The following GIPC2 variants were observed in gnomAD, a reference collection of about 807,000 sequenced individuals.
GIPC2 encodes the protein PDZ domain-containing protein GIPC2.
Under a neutral mutation model 30.6 loss-of-function variants are expected in GIPC2, and 30 were observed. The ratio of observed to expected loss-of-function variants is 0.98; its 90% confidence interval spans 0.73 to 1.33. The LOEUF is 1.33. Ranked by LOEUF, GIPC2 falls within the 40% of genes most tolerant of loss-of-function variation. The probability of loss-of-function intolerance (pLI) is 0.00; values close to 1 mark genes in which losing one functional copy is unlikely to be tolerated. For missense variants in GIPC2, 414 were observed against 390.3 expected, an observed-to-expected ratio of 1.06 and a Z score of -0.51; for synonymous variants, 167 against 150.0, an observed-to-expected ratio of 1.11 and a Z score of -0.83.
At chr1:78,051,840 T>C (rs1661203704) in intron 1 of GIPC2, among the ~76,000 whole-genome samples, 1 of 152,218 alleles carries the variant, frequency 6.6e-6, no homozygotes, top group African/African-American at 2.4e-5. Flanking sequence ...ACAAGCATGC[T>C]GTTATTTCTC....
intron 3 of GIPC2, among the ~76,000 whole-genome samples, chr1:78,106,969 C>T (rs1216729178): frequency 1.3e-5 from 2 of 152,146 alleles, no homozygotes; most frequent in Non-Finnish European, 2.9e-5. Flanking sequence ...AGCCACTGTG[C>T]CCGGCCTAGG....
At chr1:78,084,535 A>T (rs1571496472) in intron 2 of GIPC2, among the ~76,000 whole-genome samples, 4 of 151,380 alleles carry the variant, frequency 2.6e-5, no homozygotes, top group African/African-American at 9.7e-5. Context: ...AAAATTACGA[A>T]CTCGTAACGA....
chr1:78,089,601 C>T (rs999271556), intron 2 of GIPC2, among the ~76,000 whole-genome samples: 1 of 152,138 alleles, frequency 6.6e-6, no homozygotes, highest in African/African-American at 2.4e-5. Flanking sequence ...CTCTCTAGGC[C>T]TCCCAAAATG....
chr1:78,078,198 A>AC (rs1165944280), intron 1 of GIPC2, among the ~76,000 whole-genome samples: 8 of 151,328 alleles, frequency 5.3e-5, no homozygotes, highest in Non-Finnish European at 5.9e-5. Context: ...AAAAAAAAAA[A>AC]AAAAAAAAAA....
intron 3 of GIPC2, among the ~76,000 whole-genome samples, chr1:78,095,700 CTGT>C (rs1662124834): frequency 6.6e-6 from 1 of 152,122 alleles, no homozygotes; most frequent in African/African-American, 2.4e-5. Flanking sequence ...TGTATTCCAA[CTGT>C]TGTTCAATCA....
chr1:78,045,956 C>G, upstream of GIPC2: 1 of 1,372,110 alleles, frequency 7.3e-7, no homozygotes, highest in South Asian at 1.8e-5. Flanking sequence ...GGCCCTGACC[C>G]GACGCAGCCA....
At chr1:78,077,017 G>A (rs2100338409) in intron 1 of GIPC2, among the ~76,000 whole-genome samples, 1 of 151,864 alleles carries the variant, frequency 6.6e-6, no homozygotes, top group South Asian at 2.1e-4. Context: ...TGATCTGCCT[G>A]CCTCAGCCTC....
chr1:78,070,106 T>G (rs1661589735), intron 1 of GIPC2, among the ~76,000 whole-genome samples: 1 of 152,220 alleles, frequency 6.6e-6, no homozygotes, highest in African/African-American at 2.4e-5. Flanking sequence ...CTCTACGAAC[T>G]TCTGCCAAAC....
At chr1:78,056,042 C>G (rs758843950) in intron 1 of GIPC2, among the ~76,000 whole-genome samples, 2 of 152,164 alleles carry the variant, frequency 1.3e-5, no homozygotes, top group Non-Finnish European at 2.9e-5. Context: ...TGAAGCCTCC[C>G]CACTACCTCA....
intron 1 of GIPC2, among the ~76,000 whole-genome samples, chr1:78,048,452 G>A (rs1420082244): frequency 2.0e-5 from 3 of 150,826 alleles, no homozygotes; most frequent in African/African-American, 7.3e-5. Context: ...AATGAGATGG[G>A]GTCTCACTCT....
At chr1:78,106,997 G>A (rs1662366340) in intron 3 of GIPC2, among the ~76,000 whole-genome samples, 2 of 151,944 alleles carry the variant, frequency 1.3e-5, no homozygotes, top group African/African-American at 4.8e-5. Flanking sequence ...TTTATGGACG[G>A]CTTTTCTTTC....
intron 5 of GIPC2, among the ~76,000 whole-genome samples, chr1:78,134,191 A>T (rs762015781): frequency 6.6e-6 from 1 of 152,142 alleles, no homozygotes; most frequent in Non-Finnish European, 1.5e-5. Flanking sequence ...TAACACCTCA[A>T]TTGGAGATAT....
chr1:78,114,547 A>G (rs370849064), intron 3 of GIPC2, among the ~76,000 whole-genome samples: 401 of 152,176 alleles, frequency 2.6e-3, no homozygotes, highest in Middle Eastern at 0.01. Flanking sequence ...TGCCCTCTGG[A>G]GGCTGGTCCA....
intron 3 of GIPC2, among the ~76,000 whole-genome samples, chr1:78,106,560 A>T (rs1557544759): frequency 6.6e-6 from 1 of 152,218 alleles, no homozygotes; most frequent in Non-Finnish European, 1.5e-5. Flanking sequence ...ACTCCATCTC[A>T]AAAACAAAAC....
chr1:78,114,414 G>GT (rs1469655331), intron 3 of GIPC2, among the ~76,000 whole-genome samples: 1 of 152,124 alleles, frequency 6.6e-6, no homozygotes. Flanking sequence ...CACAAAACCT[G>GT]TTTTTTCCCC....
In GIPC2 at chr1:78,104,910, C is replaced by T. The variant is rs191598033; in HGVS notation, c.607+9778C>T. ...GATTTTGAGGGGCAGAGCATACTGT[C>T]GATCATCTTATTATGTAGTAGAGTT... On this transcript the variant is annotated intron_variant, in intron 3 of 5. Coordinates refer to ENST00000370759, the MANE Select transcript of GIPC2 (RefSeq NM_017655.6). Among the ~76,000 whole-genome samples the T allele has an allele frequency of 2.1e-3, 313 of 152,248 alleles. 4 individuals are homozygous for T. The highest frequency in any genetic ancestry group is 6.7e-3 in the African/African-American group (280 of 41,542).
At chr1:78,086,811 A>G (rs1337638296) in intron 2 of GIPC2, among the ~76,000 whole-genome samples, 1 of 151,268 alleles carries the variant, frequency 6.6e-6, no homozygotes, top group East Asian at 1.9e-4. Context: ...CCATCCCTTT[A>G]TTTTGAATCT....
intron 1 of GIPC2, among the ~76,000 whole-genome samples, chr1:78,073,813 T>G (rs1661665665): frequency 1.3e-5 from 2 of 152,338 alleles, no homozygotes; most frequent in South Asian, 4.1e-4. Context: ...CAAAGCACAT[T>G]GTGGAGTATA....
intron 2 of GIPC2, among the ~76,000 whole-genome samples, chr1:78,087,791 C>T (rs1469163396): frequency 6.6e-6 from 1 of 152,032 alleles, no homozygotes; most frequent in Non-Finnish European, 1.5e-5. Flanking sequence ...AGCTTCTGCA[C>T]AGCAAGAGAA....
Sources: gnomAD v4.1 joint callset for allele counts (sites outside exome capture counted in the v4.1 genomes callset) on GRCh38, gnomAD v4.1.1 for gene constraint, MANE v1.5 for transcripts, NCBI Gene and HGNC (gene_info 2026-07-23, HGNC 2026-07-21) for gene names.